Variants in KAZN observed in about 807,000 individuals in gnomAD.
KAZN encodes kazrin, periplakin interacting protein.
KAZN carries 40 observed loss-of-function variants against 87.4 expected under a neutral mutation model. That is an observed-to-expected ratio of 0.46 (90% CI 0.36 to 0.60). The LOEUF is 0.60. Among genes scored for constraint, KAZN ranks in the 20% least tolerant of loss-of-function variants. KAZN has a pLI of 0.00. For synonymous variants in KAZN, 466 were observed against 458.3 expected (o/e 1.02, Z -0.22); for missense variants, 898 against 1,073.9 (o/e 0.84, Z 2.29).
At chr1:14,481,087 C>T (rs1217736713) in intron 2 of KAZN, among the ~76,000 whole-genome samples, 1 of 151,860 alleles carries the variant, frequency 6.6e-6, no homozygotes, top group Admixed American at 6.6e-5. Flanking sequence ...TTTTTTCTAA[C>T]CCAGTTCAGT....
At chr1:13,958,299 G>A (rs770334202) in intron 1 of KAZN, among the ~76,000 whole-genome samples, 5 of 152,104 alleles carry the variant, frequency 3.3e-5, no homozygotes, top group African/African-American at 9.7e-5. Flanking sequence ...GGCTGGGTGC[G>A]GTGGCTCACG....
intron 1 of KAZN, among the ~76,000 whole-genome samples, chr1:14,171,490 TGGG>T (rs79300008): frequency 0.12 from 18,701 of 152,166 alleles, 1,268 homozygotes; most frequent in East Asian, 0.33. Flanking sequence ...ATTATAATAA[TGGG>T]GGGAAAATCT....
At chr1:15,109,406 A>G (rs1197969099) in intron 13 of KAZN, among the ~76,000 whole-genome samples, 1 of 152,170 alleles carries the variant, frequency 6.6e-6, no homozygotes, top group East Asian at 1.9e-4. Flanking sequence ...ACTGGACTTT[A>G]TCGTACAGAT....
chr1:14,904,247 G>A (rs931108670), intron 1 of KAZN, among the ~76,000 whole-genome samples: 4 of 151,304 alleles, frequency 2.6e-5, no homozygotes, highest in Non-Finnish European at 5.9e-5. Context: ...GGAGTTTGCA[G>A]TGAGCCGAGA....
intron 2 of KAZN, among the ~76,000 whole-genome samples, chr1:14,463,790 T>A (rs1667973179): frequency 6.6e-6 from 1 of 152,066 alleles, no homozygotes; most frequent in Non-Finnish European, 1.5e-5. Context: ...TACATATCAG[T>A]GTTACTAGCA....
At chr1:14,444,678 T>C (rs1666881702) in intron 2 of KAZN, among the ~76,000 whole-genome samples, 1 of 151,830 alleles carries the variant, frequency 6.6e-6, no homozygotes, top group African/African-American at 2.4e-5. Context: ...AGAATCGGGG[T>C]TCTTCAGTGG....
chr1:13,934,434 T>A (rs973292780), intron 1 of KAZN, among the ~76,000 whole-genome samples: 1 of 152,186 alleles, frequency 6.6e-6, no homozygotes, highest in African/African-American at 2.4e-5. Flanking sequence ...TTAATGTCAT[T>A]GTGCTTTTGT....
At chr1:14,454,191 GA>G (rs1388148103) in intron 2 of KAZN, among the ~76,000 whole-genome samples, 2 of 152,200 alleles carry the variant, frequency 1.3e-5, no homozygotes, top group Non-Finnish European at 2.9e-5. Context: ...CCAAGGCATG[GA>G]AAGAGAGGGG....
At chr1:14,335,391 C>T (rs113369188) in intron 2 of KAZN, among the ~76,000 whole-genome samples, 2,985 of 151,938 alleles carry the variant, frequency 0.02, 40 homozygotes, top group Middle Eastern at 0.044. Flanking sequence ...TTAGTAGAGA[C>T]GGGGTTTCAC....
Position 14,523,991 on chromosome 1 carries a change from C to CGTTTTGTTTTGTTTT in KAZN, c.250-74961_250-74947dup, listed in dbSNP as rs57675147. On this transcript the variant is annotated intron_variant, in intron 2 of 16. Coordinates refer to the KAZN transcript ENST00000636203. ...CCACGTGGCTTAAAGGCGTGTCACT[C>CGTTTTGTTTTGTTTT]GTTTTGTTTTGTTTTGTTTTGTTTT... 1.2e-3 allele frequency among the ~76,000 whole-genome samples: 186 copies of CGTTTTGTTTTGTTTT among 149,026 alleles called. 1 individual carries two copies. Among genetic ancestry groups the CGTTTTGTTTTGTTTT allele is most frequent in the East Asian group, 4.8e-3 (24 of 5,002 alleles).
rs146998896 is a variant in KAZN, at chr1:14,349,912, G to A, written c.249+169320G>A. ...AGCACTTTGGGAGGCGGAGGAGGGC[G>A]GATCACGAGTTCAGGAGATCGAGAC... On this transcript the variant is annotated intron_variant, in intron 2 of 16. Transcript: ENST00000636203. Among the ~76,000 whole-genome samples the A allele has an allele frequency of 5.7e-3, 865 of 152,008 alleles. 5 individuals are homozygous for A. Among genetic ancestry groups the A allele is most frequent in the Non-Finnish European group, 9.8e-3 (666 of 67,964 alleles).
chr1:15,025,801 C>T (rs1671102289), intron 2 of KAZN, among the ~76,000 whole-genome samples: 1 of 152,158 alleles, frequency 6.6e-6, no homozygotes, highest in African/African-American at 2.4e-5. Context: ...CACTTCACCT[C>T]GTGGTGAGAA....
chr1:14,209,649 A>G (rs1646813239), intron 2 of KAZN, among the ~76,000 whole-genome samples: 1 of 152,244 alleles, frequency 6.6e-6, no homozygotes, highest in African/African-American at 2.4e-5. Context: ...ACAATTTCTT[A>G]TCTACAGACC....
chr1:14,505,458 T>C lies in KAZN; in HGVS notation c.250-93525T>C, dbSNP rs140346900. On this transcript the variant is annotated intron_variant, in intron 2 of 16. Coordinates refer to the KAZN transcript ENST00000636203. ...TGACTAAAGCAACGAAAACCTGAGATTGAATGCTCGAAAGTTCACTAGGGT... is the reference window on the plus strand; with the variant it reads ...TGACTAAAGCAACGAAAACCTGAGACTGAATGCTCGAAAGTTCACTAGGGT... 2.6e-5 allele frequency among the ~76,000 whole-genome samples: 4 copies of C among 152,266 alleles called. 1 individual carries two copies. Among genetic ancestry groups the C allele is most frequent in the East Asian group, 1.9e-4 (1 of 5,168 alleles).
chr1:14,242,834 C>G (rs943901304), intron 2 of KAZN, among the ~76,000 whole-genome samples: 5 of 152,188 alleles, frequency 3.3e-5, no homozygotes, highest in African/African-American at 1.2e-4. Context: ...TATATCAGAG[C>G]TGCCCAGTGT....
chr1:14,560,034 G>T (rs1036748159), intron 2 of KAZN, among the ~76,000 whole-genome samples: 2 of 152,186 alleles, frequency 1.3e-5, no homozygotes, highest in African/African-American at 4.8e-5. Context: ...TTATTCTGAG[G>T]TTATGCCCTC....
At chr1:14,952,859 C>A (rs1662661311) in intron 1 of KAZN, among the ~76,000 whole-genome samples, 1 of 152,190 alleles carries the variant, frequency 6.6e-6, no homozygotes, top group South Asian at 2.1e-4. Context: ...CTACATTTGA[C>A]CCTCATGTAG....
At position 13,898,162 on chromosome 1, in the gene KAZN, C is replaced by T. The variant is rs1321979745; in HGVS notation, c.91+4406C>T. Among the ~76,000 whole-genome samples the T allele has an allele frequency of 3.9e-5, 6 of 152,320 alleles. No individual in the cohort carries two copies. The South Asian group carries it at 8.3e-4, about 21-fold the overall frequency. On this transcript the variant is annotated intron_variant, in intron 1 of 16. Transcript: ENST00000636203. ...CATCTGAGGATGTTGGGGGGACCTC[C>T]GAGGGGATAGGCAGTACAGACTCGA... is the stretch of plus-strand genomic sequence containing the variant.
At chr1:14,480,918 T>C (rs1424905314) in intron 2 of KAZN, among the ~76,000 whole-genome samples, 1 of 147,870 alleles carries the variant, frequency 6.8e-6, no homozygotes, top group Non-Finnish European at 1.5e-5. Context: ...ATTTTATATA[T>C]AATATATTAA....
Sources: allele counts gnomAD v4.1 joint callset (sites outside exome capture counted in the v4.1 genomes callset), GRCh38; gene constraint gnomAD v4.1.1; transcripts MANE v1.5; gene names NCBI Gene and HGNC (gene_info 2026-07-23, HGNC 2026-07-21).